The following FSD1L variants were observed in gnomAD, a reference collection of about 807,000 sequenced individuals.
FSD1L encodes the protein fibronectin type III and SPRY domain containing 1 like.
FSD1L carries 45 observed loss-of-function variants against 71.6 expected under a neutral mutation model. The observed-to-expected ratio is 0.63, with a 90% CI of 0.49 to 0.81. The LOEUF (loss-of-function observed/expected upper bound fraction) is 0.81, where lower values mean the gene tolerates loss of function less well. Among genes scored for constraint, FSD1L ranks in the 30% least tolerant of loss-of-function variants. The pLI is 0.00. For synonymous variants in FSD1L, 197 were observed against 207.2 expected (o/e 0.95, Z 0.42); for missense variants, 561 against 618.1 (o/e 0.91, Z 0.98).
chr9:105,471,882 G>GT (rs770801403), intron 4 of FSD1L, 22 bp from the exon 5 acceptor site: 208,028 of 711,086 alleles, frequency 0.29, 2,219 homozygotes, highest in East Asian at 0.46. Context: ...TAATGACTTA[G>GT]TTTTTTTTTT....
chr9:105,449,778 T>TGAGGAATCAGGACGTG (rs11272703), intron 1 of FSD1L, among the ~76,000 whole-genome samples: 1 of 151,878 alleles, frequency 6.6e-6, no homozygotes, highest in Non-Finnish European at 1.5e-5. Flanking sequence ...CTTACTTTAA[T>TGAGGAATCAGGACGTG]GAGTTGTGAC....
chr9:105,534,232 C>T lies in FSD1L; in HGVS notation c.1026-261C>T, dbSNP rs76988161. Among the ~76,000 whole-genome samples the T allele has an allele frequency of 9.2e-3, 1,390 of 151,880 alleles. 22 individuals carry two copies. The highest frequency in any genetic ancestry group is 0.032 in the African/African-American group (1,318 of 41,402). On this transcript the variant is annotated intron_variant, in intron 10 of 13. Coordinates refer to ENST00000481272, the MANE Select transcript of FSD1L (RefSeq NM_001145313.3). ...TTTTAGCATTGTTTCTTATTTCAGC[C>T]GTGTATTCTTTGTATAAGCCTTGCT... is the stretch of plus-strand genomic sequence containing the variant.
At chr9:105,537,084 G>A (rs1836316992) in intron 12 of FSD1L, among the ~76,000 whole-genome samples, 1 of 151,930 alleles carries the variant, frequency 6.6e-6, no homozygotes, top group Non-Finnish European at 1.5e-5. Flanking sequence ...TTTATATTTT[G>A]AAAAAATTTT....
At chr9:105,495,848 G>A (rs1041752296) in intron 7 of FSD1L, among the ~76,000 whole-genome samples, 8 of 151,910 alleles carry the variant, frequency 5.3e-5, no homozygotes, top group East Asian at 1.9e-4. Flanking sequence ...AGTGATGGGC[G>A]CATGTAGTCC....
intron 5 of FSD1L, among the ~76,000 whole-genome samples, chr9:105,478,040 C>G (rs1296080393): frequency 6.6e-6 from 1 of 152,036 alleles, no homozygotes. Context: ...GTCAGGAGAT[C>G]AAGACTGTCT....
chr9:105,454,731 G>C (rs1830260709), intron 1 of FSD1L, among the ~76,000 whole-genome samples: 1 of 152,164 alleles, frequency 6.6e-6, no homozygotes, highest in Non-Finnish European at 1.5e-5. Flanking sequence ...TCAAATCCTA[G>C]ATGGGAGATT....
intron 6 of FSD1L, among the ~76,000 whole-genome samples, chr9:105,482,969 T>A (rs1022250726): frequency 5.3e-5 from 8 of 152,242 alleles, no homozygotes; most frequent in African/African-American, 1.9e-4. Flanking sequence ...AGTACGTATC[T>A]GACTATAGCT....
intron 13 of FSD1L, among the ~76,000 whole-genome samples, chr9:105,546,148 G>C (rs1268804409): frequency 6.6e-6 from 1 of 152,010 alleles, no homozygotes; most frequent in Admixed American, 6.6e-5. Context: ...AGTTGGTTCT[G>C]CTACCACCAA....
At chr9:105,542,419 C>T (rs1836687365) in intron 13 of FSD1L, among the ~76,000 whole-genome samples, 1 of 151,970 alleles carries the variant, frequency 6.6e-6, no homozygotes, top group Non-Finnish European at 1.5e-5. Context: ...AAATTATTTG[C>T]TTACTTTTTA....
At position 105,448,198 on chromosome 9, in the gene FSD1L, C is replaced by T; in HGVS notation, c.-23C>T. ...CACGGTTCGTCGTCTCGGGTTCGAG[C>T]CCAGTGGGCTTAGCCACTCGCCATG... On this transcript the variant is annotated 5_prime_UTR_variant, in exon 1 of 14. Transcript: ENST00000481272. The T allele has an allele frequency of 6.5e-7, 1 of 1,542,770 alleles. No homozygotes were observed. The highest frequency in any genetic ancestry group is 1.2e-5 in the South Asian group (1 of 83,918).
At chr9:105,497,947 G>A (rs1453724975) in intron 7 of FSD1L, among the ~76,000 whole-genome samples, 1 of 151,946 alleles carries the variant, frequency 6.6e-6, no homozygotes, top group Non-Finnish European at 1.5e-5. Flanking sequence ...GGGCTCAAGG[G>A]ATCTTCCTGC....
chr9:105,452,649 G>GCCTTCCTT, intron 1 of FSD1L, among the ~76,000 whole-genome samples: 1 of 129,808 alleles, frequency 7.7e-6, no homozygotes, highest in Non-Finnish European at 1.7e-5. Flanking sequence ...CTGCCTGCCT[G>GCCTTCCTT]CCTGCCTGCC....
chr9:105,452,669 G>GCCTGCCTTCCTTCCTTCCTTCCTT (rs1191519308), intron 1 of FSD1L, among the ~76,000 whole-genome samples: 76 of 96,170 alleles, frequency 7.9e-4, no homozygotes, highest in African/African-American at 1.1e-3. Flanking sequence ...CTGCCTGCCT[G>GCCTGCCTTCCTTCCTTCCTTCCTT]CCTTCCTTCC....
rs1405354369 is a variant in FSD1L, at chr9:105,508,734, T to C, written c.895+19T>C. The C allele has an allele frequency of 3.8e-5, 53 of 1,390,120 alleles. No homozygotes were observed. Among genetic ancestry groups the C allele is most frequent in the Non-Finnish European group, 4.8e-5 (48 of 1,005,908 alleles). 86.1% of individuals were successfully genotyped at this position (1,390,120 alleles called of 1,614,324 possible). On this transcript the variant is annotated intron_variant, in intron 9 of 13. Transcript: ENST00000481272. ...ACCAAAGGTGAGATCAGTAGCTCTT[T>C]ATACAGCATAAAACAAAGCTTAACA... is the stretch of plus-strand genomic sequence containing the variant.
intron 9 of FSD1L, among the ~76,000 whole-genome samples, chr9:105,511,973 T>C (rs1276539611): frequency 2.0e-5 from 3 of 152,090 alleles, no homozygotes; most frequent in South Asian, 2.1e-4. Context: ...AACTGTGTAA[T>C]AGCTGATACC....
chr9:105,538,112 T>A (rs940499718), intron 12 of FSD1L, among the ~76,000 whole-genome samples: 1 of 152,210 alleles, frequency 6.6e-6, no homozygotes, highest in African/African-American at 2.4e-5. Flanking sequence ...ATTTTGAAAT[T>A]CAGTGCTAGA....
At chr9:105,447,705 C>T, upstream of FSD1L, 1 of 177,244 alleles carries the variant, frequency 5.6e-6, no homozygotes, top group Non-Finnish European at 1.2e-5. Flanking sequence ...TCCGCTCAAG[C>T]CTGGCTGCCC....
chr9:105,490,683 T>C (rs565822506), intron 7 of FSD1L, among the ~76,000 whole-genome samples: 3 of 133,480 alleles, frequency 2.2e-5, no homozygotes, highest in Non-Finnish European at 4.7e-5. Flanking sequence ...GATTTTTGTA[T>C]AAGGTGTAAG....
chr9:105,475,664 C>G (rs1409155496), intron 5 of FSD1L, among the ~76,000 whole-genome samples: 1 of 152,162 alleles, frequency 6.6e-6, no homozygotes, highest in Non-Finnish European at 1.5e-5. Context: ...GTAGTTTTCA[C>G]CTTAATTTCA....
Sources: gnomAD v4.1 joint callset for allele counts (sites outside exome capture counted in the v4.1 genomes callset) on GRCh38, gnomAD v4.1.1 for gene constraint, MANE v1.5 for transcripts, NCBI Gene and HGNC (gene_info 2026-07-23, HGNC 2026-07-21) for gene names.